ANO6: variants seen among roughly 807,000 people sequenced by gnomAD.
The protein encoded by ANO6 is anoctamin-6.
Under a neutral mutation model 117.5 loss-of-function variants are expected in ANO6, and 106 were observed. That is an observed-to-expected ratio of 0.90 (90% confidence interval 0.77 to 1.06). ANO6 has a LOEUF of 1.06. ANO6 is among the 50% of genes least tolerant of loss of function. The pLI is 0.00. For synonymous variants in ANO6, 367 were observed against 385.1 expected (o/e 0.95, Z 0.55); for missense variants, 955 against 1,121.1 (o/e 0.85, Z 2.12).
intron 12 of ANO6, among the ~76,000 whole-genome samples, chr12:45,396,803 T>C (rs981007577): frequency 1.3e-5 from 2 of 152,148 alleles, no homozygotes; most frequent in African/African-American, 4.8e-5. Context: ...TGAAACTGGA[T>C]CCCTTCCTTA....
intron 1 of ANO6, among the ~76,000 whole-genome samples, chr12:45,295,859 T>C (rs549963673): frequency 6.6e-6 from 1 of 151,882 alleles, no homozygotes; most frequent in African/African-American, 2.4e-5. Context: ...ATTTTTTTAT[T>C]TTTATTTTTA....
chr12:45,282,968 G>A (rs11614089), intron 1 of ANO6, among the ~76,000 whole-genome samples: 8,123 of 152,070 alleles, frequency 0.053, 527 homozygotes, highest in East Asian at 0.35. Flanking sequence ...TTGCTATGTC[G>A]TTGGCCAGAG....
At chr12:45,389,237 C>T (rs1022998987) in intron 11 of ANO6, among the ~76,000 whole-genome samples, 2 of 152,182 alleles carry the variant, frequency 1.3e-5, no homozygotes, top group African/African-American at 4.8e-5. Flanking sequence ...GGTTCAATTA[C>T]CAGTAGAAAG....
At position 45,388,190 on chromosome 12, in the gene ANO6, C is replaced by G; in HGVS notation, c.1195C>G (p.Arg399Gly). 1.9e-6 allele frequency: 3 copies of G among 1,613,922 alleles called. No individual in the cohort carries two copies. Among genetic ancestry groups the G allele is most frequent in the Non-Finnish European group, 2.5e-6 (3 of 1,179,880 alleles). The change falls in exon 11 of 20, where the codon CGC becomes GGC. Residue 399 changes from arginine (R) to glycine (G), a missense_variant. Arg to Gly is a moderately radical substitution (Grantham distance 125, BLOSUM62 -2). Transcript: ENST00000320560. Reference sequence around the variant, plus strand: ...CTTGTTTTTGGAGTTTTGGAAGCGACGCCAGGCAGAACTTGAGTATGAATG... The same window carrying G: ...CTTGTTTTTGGAGTTTTGGAAGCGAGGCCAGGCAGAACTTGAGTATGAATG... ...VTLFLEFWKR[R>G]QAELEYEWDT...
At chr12:45,329,269 C>T (rs548215934) in intron 2 of ANO6, among the ~76,000 whole-genome samples, 1 of 151,976 alleles carries the variant, frequency 6.6e-6, no homozygotes, top group Non-Finnish European at 1.5e-5. Context: ...CTCCCTTTTT[C>T]CCCATTATGT....
chr12:45,284,452 G>T (rs2137262174), intron 1 of ANO6, among the ~76,000 whole-genome samples: 2 of 152,344 alleles, frequency 1.3e-5, no homozygotes, highest in Admixed American at 1.3e-4. Flanking sequence ...GGGAGAAGGG[G>T]ATTGAGAGAT....
intron 7 of ANO6, among the ~76,000 whole-genome samples, chr12:45,354,348 G>C (rs780968643): frequency 1.3e-5 from 2 of 152,176 alleles, no homozygotes; most frequent in African/African-American, 2.4e-5. Flanking sequence ...AGGAAAGTTT[G>C]ACCATATATA....
chr12:45,241,963 C>T (rs1947751042), intron 1 of ANO6, among the ~76,000 whole-genome samples: 1 of 152,178 alleles, frequency 6.6e-6, no homozygotes, highest in South Asian at 2.1e-4. Context: ...GGGACACCTG[C>T]CTGTATGAGG....
intron 1 of ANO6, among the ~76,000 whole-genome samples, chr12:45,227,853 G>A (rs1947508658): frequency 6.6e-6 from 1 of 152,194 alleles, no homozygotes. Flanking sequence ...AAAGATAAAG[G>A]TGGTTGAAGA....
intron 1 of ANO6, among the ~76,000 whole-genome samples, chr12:45,274,853 G>A (rs1938502296): frequency 6.8e-6 from 1 of 146,866 alleles, no homozygotes; most frequent in African/African-American, 2.5e-5. Flanking sequence ...TAGGATGCTT[G>A]CTGCTGCACT....
intron 3 of ANO6, among the ~76,000 whole-genome samples, chr12:45,335,067 A>T (rs892101628): frequency 1.3e-5 from 2 of 151,996 alleles, no homozygotes; most frequent in Non-Finnish European, 2.9e-5. Flanking sequence ...TATTTACTTT[A>T]AAAAAATTAT....
rs1041891967 is a variant in ANO6, at chr12:45,388,424, A to G, written c.1308+121A>G. ...ATATTGATACCTGAGTTCCATCACTACATACTCTGGTACTTAGTAACCTGG... is the reference window on the plus strand; with the variant it reads ...ATATTGATACCTGAGTTCCATCACTGCATACTCTGGTACTTAGTAACCTGG... On this transcript the variant is annotated intron_variant, in intron 11 of 19. Coordinates refer to ENST00000320560, the MANE Select transcript of ANO6 (RefSeq NM_001025356.3). 4.3e-5 allele frequency: 54 copies of G among 1,263,262 alleles called. No homozygotes were observed. In the African/African-American group the frequency reaches 6.4e-4, roughly 15 times the overall value. 78.3% of individuals were successfully genotyped at this position (1,263,262 alleles called of 1,614,324 possible). A position where few individuals can be genotyped will look rare whatever the true frequency, so the allele number is the denominator to read the frequency against.
chr12:45,413,001 G>A (rs1943124610), intron 16 of ANO6, among the ~76,000 whole-genome samples: 2 of 152,200 alleles, frequency 1.3e-5, no homozygotes, highest in Non-Finnish European at 2.9e-5. Flanking sequence ...AGTGAACAAA[G>A]GACTCACAGG....
At chr12:45,433,599 T>C (rs1457003466), downstream of ANO6, among the ~76,000 whole-genome samples, 6 of 152,198 alleles carry the variant, frequency 3.9e-5, no homozygotes, top group African/African-American at 1.4e-4. Context: ...CAGAACGGAA[T>C]GCTGTAGGCA....
chr12:45,259,213 A>G (rs1937939470), intron 1 of ANO6, among the ~76,000 whole-genome samples: 1 of 152,216 alleles, frequency 6.6e-6, no homozygotes, highest in South Asian at 2.1e-4. Flanking sequence ...TGGTGTCCCC[A>G]TGGTGCTTGG....
At chr12:45,383,129 C>T (rs563053425) in intron 10 of ANO6, 52 of 217,042 alleles carry the variant, frequency 2.4e-4, no homozygotes, top group African/African-American at 9.4e-4. Flanking sequence ...CCTTTGTTGT[C>T]GTTTCAGTAA....
intron 8 of ANO6, among the ~76,000 whole-genome samples, chr12:45,363,747 A>G (rs1356629545): frequency 6.6e-6 from 1 of 152,072 alleles, no homozygotes; most frequent in Admixed American, 6.5e-5. Flanking sequence ...TATTGTTCTC[A>G]TGGTAGTGAA....
At position 45,416,762 on chromosome 12, in the gene ANO6, T is replaced by C; in HGVS notation, c.2075T>C (p.Leu692Pro). The C allele has an allele frequency of 6.2e-7, 1 of 1,614,176 alleles. No homozygotes were observed. Among genetic ancestry groups the C allele is most frequent in the East Asian group, 2.2e-5 (1 of 44,892 alleles). ...ASFPLAPLLA[L>P]VNNILEIRVD... ...TTTCCACTGGCCCCTCTGTTGGCTC[T>C]CGTGAACAATATATTGGAAATAAGA... The change falls in exon 17 of 20, where the codon CTC becomes CCC. Residue 692 changes from leucine (L) to proline (P), a missense_variant. By Grantham distance (98) the Leu-to-Pro change is moderately conservative. Coordinates refer to ENST00000320560, the MANE Select transcript of ANO6 (RefSeq NM_001025356.3).
At chr12:45,332,672 C>T (rs1268266046) in intron 3 of ANO6, among the ~76,000 whole-genome samples, 1 of 152,000 alleles carries the variant, frequency 6.6e-6, no homozygotes, top group African/African-American at 2.4e-5. Flanking sequence ...ATGTAGCATC[C>T]CTGTTTGGCA....
Sources: allele counts gnomAD v4.1 joint callset (sites outside exome capture counted in the v4.1 genomes callset), GRCh38; gene constraint gnomAD v4.1.1; transcripts MANE v1.5; gene names NCBI Gene and HGNC (gene_info 2026-07-23, HGNC 2026-07-21).